Variants in TMPRSS7 observed in about 807,000 individuals in gnomAD.
TMPRSS7 encodes the protein transmembrane protease serine 7.
A neutral mutation model predicts 95.6 loss-of-function variants in TMPRSS7; 81 were observed. That is an observed-to-expected ratio of 0.85 (90% CI 0.71 to 1.02). The LOEUF is 1.02. Among genes scored for constraint, TMPRSS7 ranks in the 50% least tolerant of loss-of-function variants. The probability of loss-of-function intolerance (pLI) is 0.00; values close to 1 mark genes in which losing one functional copy is unlikely to be tolerated. For synonymous variants in TMPRSS7, 364 were observed against 337.8 expected (o/e 1.08, Z -0.85); for missense variants, 945 against 955.2 (o/e 0.99, Z 0.14).
chr3:112,051,337 G>A (rs2073346255), intron 9 of TMPRSS7, among the ~76,000 whole-genome samples: 1 of 152,070 alleles, frequency 6.6e-6, no homozygotes, highest in Non-Finnish European at 1.5e-5. Flanking sequence ...ATGATTTAAA[G>A]TATATAGAGG....
intron 10 of TMPRSS7, among the ~76,000 whole-genome samples, chr3:112,059,248 G>C (rs1226281441): frequency 6.6e-6 from 1 of 152,136 alleles, no homozygotes; most frequent in Non-Finnish European, 1.5e-5. Context: ...CCAAATCTTG[G>C]TTTTACTTAC....
rs141142047 is a variant in TMPRSS7, at chr3:112,057,059, T to C, written c.1238T>C (p.Phe413Ser). 6.5e-3 allele frequency: 10,495 copies of C among 1,612,980 alleles called. 64 individuals are homozygous for C. Among genetic ancestry groups the C allele is most frequent in the Middle Eastern group, 0.017 (100 of 6,052 alleles). ...TCAACTCTTGGCATAGCACTGAAAT[T>C]CTATAACTATTCAATAACCAAGAAG... Residue 413 changes from phenylalanine to serine, a missense_variant, in exon 10 of 18, where the codon TTC becomes TCC. Coordinates refer to ENST00000452346, the Ensembl canonical transcript of TMPRSS7.
chr3:112,075,615 T>G (rs2073702577), intron 15 of TMPRSS7, 123 bp downstream of exon 15: 2 of 880,818 alleles, frequency 2.3e-6, no homozygotes, highest in Admixed American at 3.3e-5. Flanking sequence ...GCACTTTCAT[T>G]TTTTGGATCC....
At chr3:112,046,886 A>C in intron 5 of TMPRSS7, 88 bp from the exon 6 acceptor site, 1 of 691,350 alleles carries the variant, frequency 1.4e-6, no homozygotes, top group Non-Finnish European at 2.6e-6. Flanking sequence ...GCCTTTAAAG[A>C]AGGACTGAAA....
At chr3:112,052,783 T>C (rs1244601486) in intron 9 of TMPRSS7, among the ~76,000 whole-genome samples, 1 of 152,192 alleles carries the variant, frequency 6.6e-6, no homozygotes, top group Non-Finnish European at 1.5e-5. Flanking sequence ...TCCTTTGAGA[T>C]AAAATAAAGG....
chr3:112,062,400 C>T (rs1272046773), intron 11 of TMPRSS7, among the ~76,000 whole-genome samples: 1 of 152,110 alleles, frequency 6.6e-6, no homozygotes, highest in Non-Finnish European at 1.5e-5. Flanking sequence ...GAAATTCATA[C>T]TGAAAACTAC....
chr3:112,080,375 T>C (rs1210427036), intron 17 of TMPRSS7, among the ~76,000 whole-genome samples: 1 of 152,168 alleles, frequency 6.6e-6, no homozygotes, highest in African/African-American at 2.4e-5. Flanking sequence ...TCTCTTCTTC[T>C]CCATGGGGCT....
intron 13 of TMPRSS7, among the ~76,000 whole-genome samples, chr3:112,071,394 C>A (rs1322436048): frequency 2.6e-5 from 4 of 152,160 alleles, no homozygotes; most frequent in Non-Finnish European, 4.4e-5. Context: ...TCCTTCATTT[C>A]AACCTTGGCA....
At chr3:112,056,876 C>A in intron 9 of TMPRSS7, 149 bp from the exon 10 acceptor site, 1 of 522,956 alleles carries the variant, frequency 1.9e-6, no homozygotes. Flanking sequence ...CGCTCTCCTC[C>A]TTATCCCGCT....
chr3:112,045,875 T>G (rs2073272547), exon 5 of TMPRSS7: 2 of 1,551,796 alleles, frequency 1.3e-6, no homozygotes, highest in Non-Finnish European at 1.7e-6. Context: ...CAGACAAGCA[T>G]CATAAACCGG....
rs1178337911 is a variant in TMPRSS7 at position 112,080,907 on chromosome 3, T to C, written c.2362-7T>C. On this transcript the variant is annotated splice_polypyrimidine_tract_variant and splice_region_variant and intron_variant, in intron 17 of 17. Transcript: ENST00000452346. ...TTACTTTATACTTACATTTTTTGTG[T>C]GTGTAGGGAGATTCGGGTGGACCTT... 3 of 1,605,740 alleles carry C rather than the reference T, an allele frequency of 1.9e-6. No individual in the cohort carries two copies. In the Admixed American group the frequency reaches 5.2e-5, roughly 28 times the overall value.
intron 13 of TMPRSS7, among the ~76,000 whole-genome samples, chr3:112,073,089 CTTTTTTTTT>C (rs1156538909): frequency 7.8e-6 from 1 of 128,464 alleles, no homozygotes; most frequent in African/African-American, 2.9e-5. Context: ...TGTTTCCTGA[CTTTTTTTTT>C]TTTTTTTTTT....
intron 10 of TMPRSS7, among the ~76,000 whole-genome samples, chr3:112,060,371 C>T (rs530500120): frequency 7.9e-5 from 12 of 152,234 alleles, no homozygotes; most frequent in Admixed American, 2.6e-4. Context: ...GGAATTTCCT[C>T]GTCCTAATAA....
intron 10 of TMPRSS7, among the ~76,000 whole-genome samples, chr3:112,059,535 G>A (rs2073474634): frequency 6.6e-6 from 1 of 152,120 alleles, no homozygotes; most frequent in East Asian, 1.9e-4. Flanking sequence ...GAGCACAAAG[G>A]AAATCACTAT....
chr3:112,072,320 C>T lies in TMPRSS7; in HGVS notation c.1667-1976C>T, dbSNP rs538097750. 1.1e-3 allele frequency among the ~76,000 whole-genome samples: 168 copies of T among 152,282 alleles called. 1 individual carries two copies. Among genetic ancestry groups the T allele is most frequent in the African/African-American group, 3.9e-3 (161 of 41,574 alleles). On this transcript the variant is annotated intron_variant, in intron 13 of 17. Coordinates refer to ENST00000452346, the Ensembl canonical transcript of TMPRSS7. ...TATTGCAGAGCAGCAAATATTGCTG[C>T]CTGATCCTTCCTCTGGAAGCTTCGT...
At chr3:112,073,105 T>TC (rs1559963445) in intron 13 of TMPRSS7, among the ~76,000 whole-genome samples, 1 of 149,508 alleles carries the variant, frequency 6.7e-6, no homozygotes, top group Non-Finnish European at 1.5e-5. Flanking sequence ...TTTTTTTTTT[T>TC]TTTTGAGACA....
intron 17 of TMPRSS7, among the ~76,000 whole-genome samples, chr3:112,079,571 G>A (rs992578819): frequency 4.6e-5 from 7 of 151,940 alleles, no homozygotes; most frequent in Non-Finnish European, 7.4e-5. Context: ...ATTAGTGTTC[G>A]TACATTTTAT....
chr3:112,058,050 G>A (rs1322400837), intron 10 of TMPRSS7, among the ~76,000 whole-genome samples: 6 of 152,140 alleles, frequency 3.9e-5, no homozygotes, highest in Non-Finnish European at 7.4e-5. Context: ...CAAAAATACA[G>A]GATGCCCTGT....
chr3:112,074,315 A>C (rs764383058), exon 14 of TMPRSS7: 2 of 1,613,880 alleles, frequency 1.2e-6, no homozygotes, highest in South Asian at 2.2e-5. Context: ...GCAACAACAG[A>C]ACTTTTAAGT....
Sources: allele counts gnomAD v4.1 joint callset (sites outside exome capture counted in the v4.1 genomes callset), GRCh38; gene constraint gnomAD v4.1.1; transcripts MANE v1.5; gene names NCBI Gene and HGNC (gene_info 2026-07-23, HGNC 2026-07-21).